Variants in LRRC37A2 observed in about 807,000 individuals in gnomAD.
The protein encoded by LRRC37A2 is leucine rich repeat containing 37 member A2, also known as leucine-rich repeat-containing protein 37A2.
A neutral mutation model predicts 68.8 loss-of-function variants in LRRC37A2; 9 were observed. That is an observed-to-expected ratio of 0.13 (90% CI 0.08 to 0.23). LRRC37A2 has a LOEUF of 0.23. Among genes scored for constraint, LRRC37A2 ranks in the 10% least tolerant of loss-of-function variants. LRRC37A2 has a pLI of 1.00. For synonymous variants in LRRC37A2, 63 were observed against 367.6 expected (o/e 0.17, Z 9.48); for missense variants, 168 against 950.4 (o/e 0.18, Z 10.82).
the LRRC37A2 span, among the ~76,000 whole-genome samples, chr17:46,934,805 T>G: frequency 6.6e-6 from 1 of 150,622 alleles, no homozygotes; most frequent in East Asian, 1.9e-4. Flanking sequence ...ACTTGTGGAG[T>G]GGAACTCATT....
chr17:46,737,481 C>T, the LRRC37A2 span, among the ~76,000 whole-genome samples: 221 of 152,144 alleles, frequency 1.5e-3, no homozygotes, highest in African/African-American at 5.0e-3. Context: ...TTAGCTCATA[C>T]GAGGTGCTGG....
intron 2 of LRRC37A2, among the ~76,000 whole-genome samples, chr17:46,516,153 A>T (rs1158201676): frequency 2.7e-5 from 4 of 149,914 alleles, no homozygotes; most frequent in Non-Finnish European, 4.4e-5. Flanking sequence ...ACAGAAAAAA[A>T]TTAGCCAGGC....
the LRRC37A2 span, among the ~76,000 whole-genome samples, chr17:46,404,794 C>T: frequency 4.4e-5 from 4 of 91,614 alleles, 1 homozygote; most frequent in Admixed American, 1.1e-4. Context: ...AGCGTGAACC[C>T]GGGAGGCGGA....
At chr17:46,796,155 T>C in the LRRC37A2 span, among the ~76,000 whole-genome samples, 129,522 of 152,140 alleles carry the variant, frequency 0.85, 55,620 homozygotes, top group East Asian at 0.94. Flanking sequence ...ATTACCACGT[T>C]TCCTTGGGAG....
the LRRC37A2 span, among the ~76,000 whole-genome samples, chr17:47,030,846 A>C: frequency 6.6e-6 from 1 of 152,108 alleles, no homozygotes; most frequent in African/African-American, 2.4e-5. Context: ...TTGAAACAAT[A>C]TATTTCCCTG....
the LRRC37A2 span, chr17:46,726,612 C>T: frequency 9.3e-6 from 15 of 1,613,428 alleles, no homozygotes; most frequent in Middle Eastern, 1.5e-3. Flanking sequence ...TGAGAGATTG[C>T]TTGGTGAGTC....
chr17:46,943,820 T>C, the LRRC37A2 span, among the ~76,000 whole-genome samples: 1 of 152,234 alleles, frequency 6.6e-6, no homozygotes, highest in East Asian at 1.9e-4. Context: ...TGAGGGAAAC[T>C]GTCACTCAGG....
At chr17:46,732,526 T>C in the LRRC37A2 span, among the ~76,000 whole-genome samples, 4 of 152,164 alleles carry the variant, frequency 2.6e-5, no homozygotes, top group African/African-American at 9.7e-5. Context: ...TCTAAGTAAA[T>C]GCATAGATTT....
At chr17:46,818,851 C>T in the LRRC37A2 span, 2 of 547,640 alleles carry the variant, frequency 3.7e-6, no homozygotes, top group South Asian at 4.6e-5. Context: ...AATCACGCGC[C>T]CCTCCCGCCC....
chr17:46,883,697 G>A, the LRRC37A2 span, among the ~76,000 whole-genome samples: 4 of 152,228 alleles, frequency 2.6e-5, no homozygotes, highest in African/African-American at 9.6e-5. Flanking sequence ...TTCCCGGGGA[G>A]TGCTGGGCAC....
chr17:46,533,412 C>A (rs1365163164), intron 6 of LRRC37A2, among the ~76,000 whole-genome samples: 11 of 123,602 alleles, frequency 8.9e-5, no homozygotes, highest in Admixed American at 1.6e-4. Flanking sequence ...CTCCTTTATA[C>A]TGTTATTGTC....
the LRRC37A2 span, among the ~76,000 whole-genome samples, chr17:46,836,156 G>A: frequency 7.1e-6 from 1 of 141,772 alleles, no homozygotes; most frequent in African/African-American, 2.7e-5. Context: ...GTGGTGGCGG[G>A]GCAATTAATA....
the LRRC37A2 span, among the ~76,000 whole-genome samples, chr17:46,821,559 G>A: frequency 1.3e-5 from 2 of 152,162 alleles, no homozygotes; most frequent in South Asian, 4.1e-4. Context: ...TCCAAGACCA[G>A]GAAGGGAGGG....
At chr17:46,919,333 G>A in the LRRC37A2 span, among the ~76,000 whole-genome samples, 1 of 152,182 alleles carries the variant, frequency 6.6e-6, no homozygotes, top group Non-Finnish European at 1.5e-5. Flanking sequence ...AAGTGGTTTA[G>A]CCATACAAGA....
At chr17:47,002,105 C>T in the LRRC37A2 span, among the ~76,000 whole-genome samples, 1 of 152,112 alleles carries the variant, frequency 6.6e-6, no homozygotes, top group Non-Finnish European at 1.5e-5. Context: ...CGGAATCATA[C>T]AGTGTGTATT....
At chr17:46,943,668 C>G in the LRRC37A2 span, among the ~76,000 whole-genome samples, 2 of 152,354 alleles carry the variant, frequency 1.3e-5, no homozygotes, top group East Asian at 1.9e-4. Context: ...GAGCCCATCC[C>G]CCATGCAGGG....
chr17:46,824,954 A>G, the LRRC37A2 span, among the ~76,000 whole-genome samples: 4 of 152,210 alleles, frequency 2.6e-5, no homozygotes, highest in Non-Finnish European at 5.9e-5. Flanking sequence ...TTGGGAAGTC[A>G]CTGCCACATG....
the LRRC37A2 span, chr17:46,939,865 A>T: frequency 4.0e-3 from 3,991 of 994,190 alleles, 9 homozygotes; most frequent in Non-Finnish European, 4.2e-3. Context: ...CCTGAAGTCC[A>T]TCTAATGTGG....
chr17:46,795,944 C>T, the LRRC37A2 span, among the ~76,000 whole-genome samples: 1 of 152,108 alleles, frequency 6.6e-6, no homozygotes, highest in South Asian at 2.1e-4. Flanking sequence ...CTAACCCTTG[C>T]AGTACCATGG....
Sources: allele counts gnomAD v4.1 joint callset (sites outside exome capture counted in the v4.1 genomes callset), GRCh38; gene constraint gnomAD v4.1.1; transcripts MANE v1.5; gene names NCBI Gene and HGNC (gene_info 2026-07-23, HGNC 2026-07-21).